GPC6: variants seen among roughly 807,000 people sequenced by gnomAD.
GPC6 encodes glypican 6, also known as glypican-6.
In GPC6, 14 loss-of-function variants were observed where a neutral mutation model predicts 55.2. That is an observed-to-expected ratio of 0.25 (90% confidence interval 0.17 to 0.40). The LOEUF (loss-of-function observed/expected upper bound fraction) is 0.40. Ranked by LOEUF, GPC6 falls within the 10% of genes least tolerant of loss-of-function variation. The probability of loss-of-function intolerance (pLI) is 1.00; values close to 1 mark genes in which losing one functional copy is unlikely to be tolerated. For synonymous variants in GPC6, 278 were observed against 259.6 expected (o/e 1.07, Z -0.68); for missense variants, 641 against 708.5 (o/e 0.90, Z 1.08).
chr13:93,527,183 T>G (rs960213600), intron 1 of GPC6, among the ~76,000 whole-genome samples: 7 of 152,050 alleles, frequency 4.6e-5, no homozygotes, highest in Non-Finnish European at 1.0e-4. Context: ...TCAAACAAAT[T>G]AACATATCCA....
chr13:93,789,482 ACTCTCTCTCTCTCT>A, intron 2 of GPC6, among the ~76,000 whole-genome samples: 1 of 59,606 alleles, frequency 1.7e-5, no homozygotes, highest in East Asian at 5.1e-4. Flanking sequence ...ATGTGAGTGA[ACTCTCTCTCTCTCT>A]CTCTCTCTCT....
At chr13:94,291,030 A>G (rs1220840466) in intron 5 of GPC6, among the ~76,000 whole-genome samples, 4 of 152,170 alleles carry the variant, frequency 2.6e-5, no homozygotes, top group Non-Finnish European at 5.9e-5. Flanking sequence ...CGTCTCTACT[A>G]AAACTACAAA....
intron 2 of GPC6, among the ~76,000 whole-genome samples, chr13:93,552,001 G>A (rs1030834866): frequency 1.3e-5 from 2 of 151,954 alleles, no homozygotes; most frequent in Non-Finnish European, 1.5e-5. Context: ...ATTGTGCTGC[G>A]GCTGTCCTAA....
chr13:93,388,723 A>G (rs1413160331), intron 1 of GPC6, among the ~76,000 whole-genome samples: 3 of 151,848 alleles, frequency 2.0e-5, no homozygotes, highest in Non-Finnish European at 4.4e-5. Flanking sequence ...TCCATTTTTC[A>G]CCATTGCTCT....
chr13:93,547,487 C>G (rs954862210), intron 2 of GPC6, among the ~76,000 whole-genome samples: 1 of 152,142 alleles, frequency 6.6e-6, no homozygotes, highest in Non-Finnish European at 1.5e-5. Context: ...AAAGAAACCT[C>G]TCTCCACTCT....
intron 3 of GPC6, among the ~76,000 whole-genome samples, chr13:93,836,952 G>C (rs1887756766): frequency 6.6e-6 from 1 of 152,156 alleles, no homozygotes; most frequent in South Asian, 2.1e-4. Context: ...TCACAGTTGA[G>C]TCTCCAGCAG....
intron 4 of GPC6, among the ~76,000 whole-genome samples, chr13:94,209,660 G>A (rs538836529): frequency 1.3e-5 from 2 of 151,932 alleles, no homozygotes; most frequent in East Asian, 1.9e-4. Flanking sequence ...AAAATGAACT[G>A]TAATACACAG....
chr13:93,422,776 G>A (rs1876968180), intron 1 of GPC6, among the ~76,000 whole-genome samples: 1 of 152,044 alleles, frequency 6.6e-6, no homozygotes, highest in African/African-American at 2.4e-5. Context: ...CCAAAATATA[G>A]CTAAAATTTT....
intron 1 of GPC6, among the ~76,000 whole-genome samples, chr13:93,525,324 C>T (rs7329040): frequency 0.057 from 8,656 of 152,030 alleles, 793 homozygotes; most frequent in African/African-American, 0.2. Flanking sequence ...CAGGAACATG[C>T]CCCCCAAGAG....
At chr13:93,932,740 C>T (rs1594599035) in intron 3 of GPC6, among the ~76,000 whole-genome samples, 1 of 152,112 alleles carries the variant, frequency 6.6e-6, no homozygotes, top group African/African-American at 2.4e-5. Flanking sequence ...TTCTGGTTTG[C>T]AGTCACCTAA....
chr13:93,954,738 G>A (rs576302677), intron 3 of GPC6, among the ~76,000 whole-genome samples: 2 of 152,068 alleles, frequency 1.3e-5, no homozygotes, highest in Admixed American at 1.3e-4. Context: ...ACTTGACAAA[G>A]ATTCTTCATT....
intron 3 of GPC6, among the ~76,000 whole-genome samples, chr13:93,958,064 T>C (rs183586027): frequency 2.0e-5 from 3 of 152,206 alleles, no homozygotes; most frequent in Non-Finnish European, 4.4e-5. Context: ...TAGGGTTATT[T>C]GATTTTTTCG....
rs531418745 is a variant in GPC6 at position 93,788,558 on chromosome 13, C to T, written c.320-41596C>T. On this transcript the variant is annotated intron_variant, in intron 2 of 8. Transcript: ENST00000377047. ...ACACACACACACCTTGTCTGCTTGACAAAATCTCTTTTATCCTTCAGATTG... is the reference window on the plus strand; with the variant it reads ...ACACACACACACCTTGTCTGCTTGATAAAATCTCTTTTATCCTTCAGATTG... 3.5e-5 allele frequency among the ~76,000 whole-genome samples: 5 copies of T among 140,898 alleles called. No individual in the cohort carries two copies. The East Asian group carries it at 1.1e-3, about 31-fold the overall frequency. The allele number at this position is 140,898 out of a possible 152,430, so 92.4% of individuals were successfully genotyped here. A position where few individuals can be genotyped will look rare whatever the true frequency, so the allele number is the denominator to read the frequency against.
At chr13:93,566,529 GTT>G (rs35602582) in intron 2 of GPC6, among the ~76,000 whole-genome samples, 1,707 of 145,530 alleles carry the variant, frequency 0.012, 18 homozygotes, top group Admixed American at 0.03. Context: ...GTTGGAGAAA[GTT>G]TTTTTTTTTT....
intron 2 of GPC6, among the ~76,000 whole-genome samples, chr13:93,620,745 CT>C (rs559291273): frequency 1.4e-4 from 21 of 152,268 alleles, no homozygotes; most frequent in Non-Finnish European, 2.4e-4. Context: ...GCAGAATTCC[CT>C]TTGATGAACA....
At chr13:93,355,649 G>A (rs942695767) in intron 1 of GPC6, among the ~76,000 whole-genome samples, 16 of 152,138 alleles carry the variant, frequency 1.1e-4, no homozygotes, top group Non-Finnish European at 2.9e-5. Flanking sequence ...GTTTTGAAAG[G>A]CTTTCAGCAG....
chr13:93,238,263 C>T (rs932365020), intron 1 of GPC6, among the ~76,000 whole-genome samples: 2 of 152,114 alleles, frequency 1.3e-5, no homozygotes, highest in East Asian at 1.9e-4. Flanking sequence ...TGTAGCTCTC[C>T]TTGTAGAGAT....
intron 1 of GPC6, among the ~76,000 whole-genome samples, chr13:93,318,018 T>G (rs1879301588): frequency 6.6e-6 from 1 of 152,156 alleles, no homozygotes; most frequent in Non-Finnish European, 1.5e-5. Context: ...CTGCAATGAA[T>G]TCAACTCATG....
chr13:93,875,130 G>A (rs1228768260), intron 3 of GPC6, among the ~76,000 whole-genome samples: 1 of 151,978 alleles, frequency 6.6e-6, no homozygotes. Flanking sequence ...TCAGAATAAA[G>A]CAGAGTTTTC....
Sources: allele counts gnomAD v4.1 joint callset (sites outside exome capture counted in the v4.1 genomes callset), GRCh38; gene constraint gnomAD v4.1.1; transcripts MANE v1.5; gene names NCBI Gene and HGNC (gene_info 2026-07-23, HGNC 2026-07-21).